Variants in CPVL observed in about 807,000 individuals in gnomAD.
CPVL encodes the protein probable serine carboxypeptidase CPVL.
A neutral mutation model predicts 63.7 loss-of-function variants in CPVL; 51 were observed. The ratio of observed to expected loss-of-function variants is 0.80; its 90% CI spans 0.64 to 1.01. The LOEUF is 1.01. Among genes scored for constraint, CPVL ranks in the 50% least tolerant of loss-of-function variants. The pLI is 0.00. For synonymous variants in CPVL, 195 were observed against 206.0 expected (o/e 0.95, Z 0.46); for missense variants, 530 against 573.1 (o/e 0.92, Z 0.77).
At chr7:29,187,954 T>C (rs1311192855) in intron 1 of CPVL, among the ~76,000 whole-genome samples, 1 of 152,226 alleles carries the variant, frequency 6.6e-6, no homozygotes, top group East Asian at 1.9e-4. Context: ...TTGTCCAAGA[T>C]CACCAAAGTA....
intron 11 of CPVL, among the ~76,000 whole-genome samples, chr7:29,034,570 C>G (rs1322690547): frequency 6.6e-6 from 1 of 152,118 alleles, no homozygotes; most frequent in Non-Finnish European, 1.5e-5. Flanking sequence ...CCTCCCTCCC[C>G]CTGCACCCTC....
chr7:29,010,946 TG>T (rs931286323), intron 12 of CPVL: 14 of 152,326 alleles, frequency 9.2e-5, no homozygotes, highest in Admixed American at 7.2e-4. Context: ...GTCATACAGC[TG>T]GTACATGGTA....
At chr7:29,095,309 C>T (rs1203245570) in intron 4 of CPVL, among the ~76,000 whole-genome samples, 167 bp from the exon 5 acceptor site, 1 of 152,124 alleles carries the variant, frequency 6.6e-6, no homozygotes, top group Non-Finnish European at 1.5e-5. Flanking sequence ...TGCACCTTTA[C>T]CCTCCCCACT....
chr7:29,046,771 C>G (rs1212293056), intron 11 of CPVL, among the ~76,000 whole-genome samples: 1 of 152,126 alleles, frequency 6.6e-6, no homozygotes, highest in Non-Finnish European at 1.5e-5. Context: ...CTCCAAAGAG[C>G]AGAGATTTCA....
At chr7:29,168,216 GTTTA>G (rs1406689522) in intron 5 of CPVL, among the ~76,000 whole-genome samples, 1 of 152,090 alleles carries the variant, frequency 6.6e-6, no homozygotes, top group African/African-American at 2.4e-5. Context: ...TAAAATGTCG[GTTTA>G]TTTGTTTGTT....
intron 3 of CPVL, among the ~76,000 whole-genome samples, chr7:29,098,615 G>C (rs954667239): frequency 1.3e-5 from 2 of 152,238 alleles, no homozygotes; most frequent in Non-Finnish European, 2.9e-5. Context: ...GCAGCCTGAA[G>C]CTCCAGGGGT....
At chr7:29,060,601 G>A (rs565236006) in intron 11 of CPVL, among the ~76,000 whole-genome samples, 2 of 152,142 alleles carry the variant, frequency 1.3e-5, no homozygotes, top group African/African-American at 4.8e-5. Flanking sequence ...TGCATCTCCT[G>A]TATATCACTG....
At position 29,102,324 on chromosome 7, in the gene CPVL, A is replaced by C. The variant is rs72594815; in HGVS notation, c.289-6107T>G. Among the ~76,000 whole-genome samples the C allele has an allele frequency of 1.2e-3, 179 of 152,248 alleles. 3 individuals carry two copies. In the East Asian group the frequency reaches 0.029, roughly 25 times the overall value. ...ATCTATTTAAGTGTCAGCTCTGATG[A>C]TTTTTCTGCTGGTGTGGGAAGACAG... On this transcript the variant is annotated intron_variant, in intron 3 of 12. Transcript: ENST00000265394.
chr7:29,081,653 C>A (rs180802054), intron 7 of CPVL, among the ~76,000 whole-genome samples: 1 of 152,288 alleles, frequency 6.6e-6, no homozygotes, highest in Admixed American at 6.5e-5. Flanking sequence ...AATGCCATAT[C>A]CCAGCAATGA....
intron 1 of CPVL, chr7:29,194,378 A>T (rs1783323540): frequency 6.6e-6 from 1 of 152,074 alleles, no homozygotes; most frequent in Admixed American, 6.6e-5. Flanking sequence ...AGCCCGCAGC[A>T]GCCGAACCAC....
rs62442642 is a variant in CPVL at position 29,072,334 on chromosome 7, A to G, written c.699T>C (p.Ile233=). 10,893 of 1,614,078 alleles carry G rather than the reference A, an allele frequency of 6.7e-3. 54 individuals are homozygous for G. Among genetic ancestry groups the G allele is most frequent in the Middle Eastern group, 0.015 (89 of 6,058 alleles). ...VREVKINLNG[I]AIGDGYSDPE... ...GATCAGAATATCCATCTCCAATAGCAATTCCGTTCAGGTTGATCTTCACCT... is the reference window on the plus strand; with the variant it reads ...GATCAGAATATCCATCTCCAATAGCGATTCCGTTCAGGTTGATCTTCACCT... Residue 233 remains isoleucine, a synonymous_variant, in exon 8 of 13, where the codon ATT becomes ATC. Transcript: ENST00000265394.
intron 1 of CPVL, chr7:29,126,758 G>A (rs1199392211): frequency 1.3e-5 from 2 of 152,214 alleles, no homozygotes; most frequent in Non-Finnish European, 2.9e-5. Context: ...AATAGTTATT[G>A]CCCGGCACAT....
At chr7:29,162,340 T>G (rs748855772) in intron 5 of CPVL, among the ~76,000 whole-genome samples, 34 of 152,140 alleles carry the variant, frequency 2.2e-4, no homozygotes, top group Non-Finnish European at 3.7e-4. Flanking sequence ...AAACTACTGA[T>G]ACATGAAACA....
intron 12 of CPVL, among the ~76,000 whole-genome samples, chr7:29,022,014 G>A (rs1218916444): frequency 6.6e-6 from 1 of 152,182 alleles, no homozygotes; most frequent in African/African-American, 2.4e-5. Flanking sequence ...GGCTGCCCTA[G>A]GGACAAAGGG....
intron 5 of CPVL, among the ~76,000 whole-genome samples, chr7:29,169,243 T>C (rs996796352): frequency 2.6e-5 from 4 of 152,238 alleles, no homozygotes; most frequent in Non-Finnish European, 5.9e-5. Flanking sequence ...AAATGCACTA[T>C]GCTGATATTA....
chr7:29,024,222 A>G (rs1053661047), intron 12 of CPVL, among the ~76,000 whole-genome samples: 6 of 152,216 alleles, frequency 3.9e-5, no homozygotes, highest in African/African-American at 1.4e-4. Flanking sequence ...AAGAGCTTCA[A>G]TAATAGAGAT....
chr7:29,054,173 A>T (rs1790484967), intron 11 of CPVL, among the ~76,000 whole-genome samples: 1 of 152,222 alleles, frequency 6.6e-6, no homozygotes, highest in Non-Finnish European at 1.5e-5. Context: ...TTGTACAATG[A>T]TCAAAACCAG....
At chr7:29,056,733 T>C (rs1256310172) in intron 11 of CPVL, among the ~76,000 whole-genome samples, 1 of 152,186 alleles carries the variant, frequency 6.6e-6, no homozygotes, top group East Asian at 1.9e-4. Flanking sequence ...AAGAGTATAT[T>C]AAATTTTGTA....
intron 6 of CPVL, among the ~76,000 whole-genome samples, chr7:29,092,312 C>G (rs1785899381): frequency 6.6e-6 from 1 of 151,414 alleles, no homozygotes; most frequent in Admixed American, 6.6e-5. Context: ...CATCCAAAAG[C>G]CACGAAAAGA....
Sources: allele counts gnomAD v4.1 joint callset (sites outside exome capture counted in the v4.1 genomes callset), GRCh38; gene constraint gnomAD v4.1.1; transcripts MANE v1.5; gene names NCBI Gene and HGNC (gene_info 2026-07-23, HGNC 2026-07-21).